Variants in IQUB observed in about 807,000 individuals in gnomAD.
IQUB encodes IQ motif and ubiquitin domain containing.
IQUB carries 86 observed loss-of-function variants against 86.4 expected under a neutral mutation model. That is an observed-to-expected ratio of 1.00 (90% confidence interval 0.84 to 1.19). The LOEUF is 1.19. Among genes scored for constraint, IQUB ranks in the 50% most tolerant of loss-of-function variants. The pLI is 0.00. For missense variants in IQUB, 946 were observed against 916.9 expected (o/e 1.03, Z -0.41); for synonymous variants, 289 against 304.5 (o/e 0.95, Z 0.53).
At chr7:123,497,788 T>C (rs938523341) in intron 6 of IQUB, among the ~76,000 whole-genome samples, 3 of 149,234 alleles carry the variant, frequency 2.0e-5, no homozygotes, top group Non-Finnish European at 3.0e-5. Context: ...CCCAAAAGAA[T>C]AGAAACTTTG....
intron 1 of IQUB, among the ~76,000 whole-genome samples, chr7:123,533,379 CTG>C (rs1318369430): frequency 6.6e-6 from 1 of 152,194 alleles, no homozygotes; most frequent in African/African-American, 2.4e-5. Context: ...TTCCCCTTGA[CTG>C]TTTCCTTACA....
At chr7:123,470,272 G>T (rs1266257319) in intron 8 of IQUB, among the ~76,000 whole-genome samples, 1 of 152,116 alleles carries the variant, frequency 6.6e-6, no homozygotes, top group Non-Finnish European at 1.5e-5. Context: ...CTGTCTATTA[G>T]CTCTTCCACT....
chr7:123,526,192 T>G (rs1036694925), intron 1 of IQUB, among the ~76,000 whole-genome samples: 47 of 152,170 alleles, frequency 3.1e-4, no homozygotes, highest in South Asian at 1.7e-3. Flanking sequence ...ATTTGGGGTG[T>G]AGAGTTCTGT....
chr7:123,466,230 T>C (rs1290159571), intron 9 of IQUB, among the ~76,000 whole-genome samples: 2 of 152,244 alleles, frequency 1.3e-5, no homozygotes, highest in African/African-American at 4.8e-5. Flanking sequence ...CTTAAAGACT[T>C]TAATCCTCCA....
chr7:123,489,407 C>A (rs1795360131), intron 7 of IQUB, among the ~76,000 whole-genome samples: 1 of 151,922 alleles, frequency 6.6e-6, no homozygotes. Flanking sequence ...ATATTACTCT[C>A]ATATTTTTTA....
intron 7 of IQUB, 46 bp from the exon 8 acceptor site, chr7:123,480,016 C>T (rs12155170): frequency 0.29 from 415,639 of 1,420,864 alleles, 61,320 homozygotes; most frequent in African/African-American, 0.39. Context: ...AAAATCCCAT[C>T]TTGAATGATC....
intron 10 of IQUB, among the ~76,000 whole-genome samples, chr7:123,463,270 T>C (rs1794088504): frequency 1.3e-5 from 2 of 151,856 alleles, no homozygotes; most frequent in South Asian, 2.1e-4. Context: ...TACCATGTGA[T>C]TCAATATGCC....
intron 4 of IQUB, 25 bp from the exon 5 acceptor site, chr7:123,503,141 T>A: frequency 6.2e-7 from 1 of 1,609,994 alleles, no homozygotes. Flanking sequence ...CAAGATTCAA[T>A]GAAAGCTCAA....
At chr7:123,524,542 A>C (rs1485861540) in intron 1 of IQUB, among the ~76,000 whole-genome samples, 3 of 147,418 alleles carry the variant, frequency 2.0e-5, no homozygotes, top group East Asian at 3.9e-4. Context: ...ATTTTTGTAC[A>C]TTGATTTTGT....
At chr7:123,461,852 T>A (rs1584548866) in intron 10 of IQUB, among the ~76,000 whole-genome samples, 1 of 151,964 alleles carries the variant, frequency 6.6e-6, no homozygotes, top group South Asian at 2.1e-4. Context: ...AGTTCTTAGA[T>A]ATTTGTGGTA....
At chr7:123,490,078 A>G (rs1306700860) in intron 7 of IQUB, among the ~76,000 whole-genome samples, 1 of 151,986 alleles carries the variant, frequency 6.6e-6, no homozygotes, top group Admixed American at 6.5e-5. Flanking sequence ...AATAGTCTAA[A>G]CATCCAAATT....
chr7:123,505,523 G>A (rs781015988), intron 3 of IQUB, among the ~76,000 whole-genome samples: 8 of 152,156 alleles, frequency 5.3e-5, no homozygotes, highest in Non-Finnish European at 1.2e-4. Flanking sequence ...GCACCCACAC[G>A]CTTAATACCA....
chr7:123,509,887 GCCTCCAAACTTA>G lies in IQUB; in HGVS notation c.532+2_532+13del. ...AGAAAAGTCTTGATATGTTTTATTA[GCCTCCAAACTTA>G]CCTGAGTATCTTATCTGCAGTACAG... On this transcript the variant is annotated splice_donor_variant and splice_donor_5th_base_variant and intron_variant, in intron 3 of 12. Coordinates refer to ENST00000324698, the MANE Select transcript of IQUB (RefSeq NM_178827.5). LOFTEE classifies it high-confidence loss of function. The G allele has an allele frequency of 6.3e-7, 1 of 1,586,826 alleles. No homozygotes were observed. Among genetic ancestry groups the G allele is most frequent in the South Asian group, 1.2e-5 (1 of 85,992 alleles).
intron 8 of IQUB, among the ~76,000 whole-genome samples, chr7:123,472,168 G>A (rs967328840): frequency 6.6e-6 from 1 of 151,680 alleles, no homozygotes; most frequent in Non-Finnish European, 1.5e-5. Context: ...AACCCAGGAG[G>A]TGGAAGTTGC....
At chr7:123,466,328 T>C (rs1414880103) in intron 9 of IQUB, among the ~76,000 whole-genome samples, 1 of 152,146 alleles carries the variant, frequency 6.6e-6, no homozygotes, top group Non-Finnish European at 1.5e-5. Flanking sequence ...GAGTCCATCC[T>C]TTGGCCTTTT....
intron 1 of IQUB, among the ~76,000 whole-genome samples, chr7:123,527,599 TG>T (rs980582321): frequency 1.4e-5 from 2 of 147,258 alleles, no homozygotes; most frequent in African/African-American, 5.4e-5. Context: ...CTGCCCCTGC[TG>T]GGGGGTGCCT....
At chr7:123,482,325 A>T (rs1018572838) in intron 7 of IQUB, among the ~76,000 whole-genome samples, 2 of 152,054 alleles carry the variant, frequency 1.3e-5, no homozygotes, top group Non-Finnish European at 2.9e-5. Flanking sequence ...ATGATTTTTT[A>T]AAAATTAAAT....
intron 8 of IQUB, among the ~76,000 whole-genome samples, chr7:123,479,568 A>C (rs953355945): frequency 6.6e-6 from 1 of 152,116 alleles, no homozygotes; most frequent in African/African-American, 2.4e-5. Flanking sequence ...AATCCCCTTA[A>C]TTAAGAATGT....
Position 123,503,140 on chromosome 7 carries a change from A to G in IQUB, c.695-24T>C, listed in dbSNP as rs922757700. 8 of 1,609,992 alleles carry G rather than the reference A, an allele frequency of 5.0e-6. No homozygotes were observed. The African/African-American group carries it at 5.4e-5, about 11-fold the overall frequency. On this transcript the variant is annotated intron_variant, in intron 4 of 12. Coordinates refer to ENST00000324698, the MANE Select transcript of IQUB (RefSeq NM_178827.5). The stretch of plus-strand genomic sequence containing the variant: ...TCCTGAGAGATAACACCAAGATTCA[A>G]TGAAAGCTCAACCAAGAAGGGACTC...
Sources: allele counts gnomAD v4.1 joint callset (sites outside exome capture counted in the v4.1 genomes callset), GRCh38; gene constraint gnomAD v4.1.1; transcripts MANE v1.5; gene names NCBI Gene and HGNC (gene_info 2026-07-23, HGNC 2026-07-21).